The following FMNL3 variants were observed in gnomAD, a reference collection of about 807,000 sequenced individuals.
FMNL3 encodes formin-like protein 3.
FMNL3 carries 57 observed loss-of-function variants against 119.6 expected under a neutral mutation model. The observed-to-expected ratio is 0.48, with a 90% confidence interval of 0.39 to 0.59. The LOEUF (loss-of-function observed/expected upper bound fraction) is 0.59, where lower values mean the gene tolerates loss of function less well. Ranked by LOEUF, FMNL3 falls within the 20% of genes least tolerant of loss-of-function variation. The pLI, the probability that FMNL3 is intolerant of heterozygous loss-of-function variation, is 0.00. For missense variants in FMNL3, 1,053 were observed against 1,323.5 expected (o/e 0.80, Z 3.17); for synonymous variants, 491 against 507.3 (o/e 0.97, Z 0.43).
chr12:49,648,334 C>A lies in FMNL3; in HGVS notation c.2535G>T (p.Leu845=). 6.2e-7 allele frequency: 1 copy of A among 1,612,672 alleles called. No homozygotes were observed. The highest frequency in any genetic ancestry group is 8.5e-7 in the Non-Finnish European group (1 of 1,179,126). Reference sequence around the variant, plus strand: ...CCCGGCCCAGCTCCTTCACGTCCAGCAGCACGTTCTCCAGGGACACTGGTC... The same window carrying A: ...CCCGGCCCAGCTCCTTCACGTCCAGAAGCACGTTCTCCAGGGACACTGGTC... The part of the protein sequence containing the change: ...KAAAVSLENV[L]LDVKELGRGM... Residue 845 remains leucine, a synonymous_variant, in exon 22 of 26, where the codon CTG becomes CTT. Transcript: ENST00000335154.
At chr12:49,669,700 C>T (rs575203162) in intron 1 of FMNL3, among the ~76,000 whole-genome samples, 30 of 152,220 alleles carry the variant, frequency 2.0e-4, no homozygotes, top group African/African-American at 2.9e-4. Context: ...GGTGCAGTAG[C>T]GCACACCTGT....
At position 49,636,864 on chromosome 12, in the gene FMNL3, C is replaced by T; in HGVS notation, c.*8951G>A. ...AGGCCTTCCAGGTATCTTTGCTGTC[C>T]TTTCTAGATCAGAGCTCAGCTCTGC... is the stretch of plus-strand genomic sequence containing the variant. On this transcript the variant is annotated 3_prime_UTR_variant, in exon 26 of 26. Coordinates refer to ENST00000335154, the MANE Select transcript of FMNL3 (RefSeq NM_175736.5). 6.2e-7 allele frequency: 1 copy of T among 1,613,248 alleles called. No homozygotes were observed. The highest frequency in any genetic ancestry group is 8.5e-7 in the Non-Finnish European group (1 of 1,179,968).
rs974998834 is a variant in FMNL3 at position 49,644,852 on chromosome 12, C to A, written c.*963G>T. On this transcript the variant is annotated 3_prime_UTR_variant, in exon 26 of 26. Coordinates refer to ENST00000335154, the MANE Select transcript of FMNL3 (RefSeq NM_175736.5). ...AACAGATGCAGTGCCCCAAAGATTT[C>A]TTTTCTATCCCCATAGCCCAGGTCA... 4 of 153,844 alleles carry A rather than the reference C, an allele frequency of 2.6e-5. No individual in the cohort carries two copies. Among genetic ancestry groups the A allele is most frequent in the Admixed American group, 1.9e-4 (3 of 15,666 alleles). The allele number at this position is 153,844 out of a possible 1,614,324, so 9.5% of individuals were successfully genotyped here. A position where few individuals can be genotyped will look rare whatever the true frequency, so the allele number is the denominator to read the frequency against.
Position 49,704,616 on chromosome 12 carries a change from CAGG to C in FMNL3, c.126+2436_126+2438del, listed in dbSNP as rs1294991402. Among the ~76,000 whole-genome samples the C allele has an allele frequency of 3.4e-5, 5 of 145,488 alleles. No individual in the cohort carries two copies. The South Asian group carries it at 6.4e-4, about 19-fold the overall frequency. On this transcript the variant is annotated intron_variant, in intron 1 of 25. Transcript: ENST00000335154. ...ATCCCAGCTACTGGGGAGGCTGAAG[CAGG>C]AGAACTGCTTGAACCCGGGAGGCTG...
At chr12:49,679,708 G>C (rs1174583913) in intron 1 of FMNL3, among the ~76,000 whole-genome samples, 1 of 151,826 alleles carries the variant, frequency 6.6e-6, no homozygotes, top group African/African-American at 2.4e-5. Flanking sequence ...TTTTGGTAGA[G>C]ACAGGTTTCA....
intron 1 of FMNL3, among the ~76,000 whole-genome samples, chr12:49,684,675 C>T (rs370298792): frequency 1.3e-3 from 198 of 152,224 alleles, no homozygotes; most frequent in South Asian, 0.011. Context: ...ACCATGCCAG[C>T]AATAATTAAA....
chr12:49,644,427 A>G lies in FMNL3; in HGVS notation c.*1388T>C, dbSNP rs1024307817. The G allele has an allele frequency of 1.8e-5, 10 of 548,240 alleles. No homozygotes were observed. Among genetic ancestry groups the G allele is most frequent in the Non-Finnish European group, 2.0e-5 (6 of 301,972 alleles). The allele number at this position is 548,240 out of a possible 1,614,324, so 34.0% of individuals were successfully genotyped here. ...CAGCCCCAGACCAGAGATGGGTGGTATATGCCATGTGGGGTGGGTGATGCC... is the reference window on the plus strand; with the variant it reads ...CAGCCCCAGACCAGAGATGGGTGGTGTATGCCATGTGGGGTGGGTGATGCC... On this transcript the variant is annotated 3_prime_UTR_variant, in exon 26 of 26. Coordinates refer to ENST00000335154, the MANE Select transcript of FMNL3 (RefSeq NM_175736.5).
chr12:49,701,910 A>C (rs1051169389), intron 1 of FMNL3, among the ~76,000 whole-genome samples: 1 of 152,114 alleles, frequency 6.6e-6, no homozygotes, highest in Admixed American at 6.6e-5. Flanking sequence ...GTGACAGAGT[A>C]AGACTGTCTC....
rs780119759 is a variant in FMNL3, at chr12:49,647,041, C to A, written c.2872-32G>T. On this transcript the variant is annotated intron_variant, in intron 24 of 25. Transcript: ENST00000335154. The surrounding 1 kb of genome is among the most constrained non-coding windows in gnomAD (Gnocchi z 4.9). The stretch of plus-strand genomic sequence containing the variant: ...CCAAGAATGTGGAGGGGAAGGAAGT[C>A]ATCACTAACCTAATGTGGGACTGGT... The A allele has an allele frequency of 1.9e-6, 3 of 1,613,450 alleles. No homozygotes were observed. The highest frequency in any genetic ancestry group is 2.5e-6 in the Non-Finnish European group (3 of 1,179,650).
rs1225065002 is a variant in FMNL3 at position 49,638,707 on chromosome 12, T to G, written c.*7108A>C. ...GTTAGGAGCGGGACTGGAGGCAGAC[T>G]GCCTACAGTAAAAGTCTAGCTTAAC... On this transcript the variant is annotated 3_prime_UTR_variant, in exon 26 of 26. Coordinates refer to ENST00000335154, the MANE Select transcript of FMNL3 (RefSeq NM_175736.5). 1 of 152,238 alleles carries G rather than the reference T, an allele frequency of 6.6e-6. No homozygotes were observed. The highest frequency in any genetic ancestry group is 2.4e-5 in the African/African-American group (1 of 41,448). 9.4% of individuals were successfully genotyped at this position (152,238 alleles called of 1,614,324 possible).
At chr12:49,652,883 C>T (rs1030842706) in intron 13 of FMNL3, among the ~76,000 whole-genome samples, 1 of 152,194 alleles carries the variant, frequency 6.6e-6, no homozygotes, top group South Asian at 2.1e-4. Flanking sequence ...CACTCTGCCC[C>T]TGCTCATTAA....
chr12:49,706,930 G>A (rs1379374741), intron 1 of FMNL3, 125 bp downstream of exon 1: 1 of 1,161,580 alleles, frequency 8.6e-7, no homozygotes, highest in African/African-American at 1.6e-5. Context: ...GACACTGGAG[G>A]CCGGGATCCG....
In FMNL3 at chr12:49,647,810, G is replaced by C; in HGVS notation, c.2677-6C>G. The C allele has an allele frequency of 6.2e-7, 1 of 1,611,342 alleles. No individual in the cohort carries two copies. Reference sequence around the variant, plus strand: ...ACAACTGCATTGTAGGCCTCCTGGGGAAGGGGTGGGCAGAATGGGTCACCC... The same window carrying C: ...ACAACTGCATTGTAGGCCTCCTGGGCAAGGGGTGGGCAGAATGGGTCACCC... On this transcript the variant is annotated splice_polypyrimidine_tract_variant and splice_region_variant and intron_variant, in intron 22 of 25. Transcript: ENST00000335154. The surrounding 1 kb of genome is among the most constrained non-coding windows in gnomAD (Gnocchi z 4.9).
chr12:49,703,997 C>T (rs921186013), intron 1 of FMNL3, among the ~76,000 whole-genome samples: 3 of 152,076 alleles, frequency 2.0e-5, no homozygotes, highest in Admixed American at 2.0e-4. Flanking sequence ...TTTCGGAACA[C>T]AAGTGATCTC....
chr12:49,646,562 A>G (rs1943197858), intron 25 of FMNL3: 2 of 1,171,204 alleles, frequency 1.7e-6, no homozygotes, highest in Middle Eastern at 2.6e-4. Flanking sequence ...GTCATGCAGG[A>G]AAGAAGGTGC....
chr12:49,661,322 T>G (rs2138818205), intron 5 of FMNL3, among the ~76,000 whole-genome samples: 1 of 152,144 alleles, frequency 6.6e-6, no homozygotes, highest in Admixed American at 6.5e-5. Context: ...AGACACAAAC[T>G]TGCTTTGAAG....
intron 7 of FMNL3, 48 bp from the exon 8 acceptor site, chr12:49,656,947 G>T: frequency 6.4e-7 from 1 of 1,563,602 alleles, no homozygotes; most frequent in Non-Finnish European, 8.8e-7. Context: ...TGGGGAAGGG[G>T]GAGCCCAGCC....
At chr12:49,687,409 A>G (rs1944494866) in intron 1 of FMNL3, among the ~76,000 whole-genome samples, 1 of 151,372 alleles carries the variant, frequency 6.6e-6, no homozygotes, top group African/African-American at 2.4e-5. Context: ...CTTATTTTTT[A>G]AGAGACGGGG....
At position 49,707,110 on chromosome 12, in the gene FMNL3, C is replaced by A. The variant is rs751892322; in HGVS notation, c.71G>T (p.Gly24Val). 2 of 1,603,760 alleles carry A rather than the reference C, an allele frequency of 1.2e-6. No homozygotes were observed. The highest frequency in any genetic ancestry group is 2.2e-5 in the South Asian group (2 of 89,416). The change falls in exon 1 of 26, where the codon GGC (glycine) becomes GTC (valine). Residue 24 changes from glycine to valine, a missense_variant. Transcript: ENST00000335154. ...PPSVPLLLPP[G>V]KMPMPEPCEL... ...ACAGGGCTCAGGCATCGGCATCTTG[C>A]CGGGCGGCAGCAACAACGGGACAGA...
Sources: gnomAD v4.1 joint callset for allele counts (sites outside exome capture counted in the v4.1 genomes callset) on GRCh38, gnomAD v4.1.1 for gene constraint, Gnocchi (gnomAD v3.1) non-coding constraint, MANE v1.5 for transcripts, NCBI Gene and HGNC (gene_info 2026-07-23, HGNC 2026-07-21) for gene names.